TENM4: variants seen among roughly 807,000 people sequenced by gnomAD.
TENM4 encodes the protein teneurin transmembrane protein 4.
Under a neutral mutation model 243.3 loss-of-function variants are expected in TENM4, and 82 were observed. The ratio of observed to expected loss-of-function variants is 0.34; its 90% CI spans 0.28 to 0.40. The LOEUF is 0.40. TENM4 is among the 10% of genes least tolerant of loss of function. The pLI is 1.00. For missense variants in TENM4, 3,138 were observed against 3,673.3 expected (o/e 0.85, Z 3.77); for synonymous variants, 1,412 against 1,456.3 (o/e 0.97, Z 0.69).
chr11:79,047,272 C>T (rs986175948), intron 6 of TENM4, among the ~76,000 whole-genome samples: 4 of 152,174 alleles, frequency 2.6e-5, no homozygotes, highest in African/African-American at 4.8e-5. Flanking sequence ...ACAGGGATGA[C>T]GAGGTCACCC....
At chr11:78,986,357 T>TC (rs1325604451) in intron 6 of TENM4, among the ~76,000 whole-genome samples, 2 of 152,214 alleles carry the variant, frequency 1.3e-5, no homozygotes, top group Non-Finnish European at 2.9e-5. Context: ...TAAAATCTTT[T>TC]CCCCTTCTGT....
intron 19 of TENM4, among the ~76,000 whole-genome samples, chr11:78,754,627 C>T (rs187903540): frequency 6.6e-6 from 1 of 152,170 alleles, no homozygotes; most frequent in African/African-American, 2.4e-5. Flanking sequence ...AAAAAACTCA[C>T]ACTGTGGGAA....
intron 4 of TENM4, among the ~76,000 whole-genome samples, chr11:79,073,299 C>A (rs1489596041): frequency 6.6e-6 from 1 of 152,222 alleles, no homozygotes; most frequent in Non-Finnish European, 1.5e-5. Context: ...TGCTGAGCCA[C>A]TCACACTTTC....
chr11:78,780,090 A>G (rs2136017849), intron 16 of TENM4, among the ~76,000 whole-genome samples: 1 of 152,302 alleles, frequency 6.6e-6, no homozygotes, highest in Admixed American at 6.5e-5. Flanking sequence ...GATGTCGTGG[A>G]GTCCATGAGA....
At chr11:78,826,967 G>A (rs1468790170) in intron 12 of TENM4, among the ~76,000 whole-genome samples, 1 of 152,108 alleles carries the variant, frequency 6.6e-6, no homozygotes, top group Non-Finnish European at 1.5e-5. Flanking sequence ...ATACCACCCA[G>A]GCCTGGAGCA....
chr11:79,282,851 T>C (rs1856181074), intron 2 of TENM4, among the ~76,000 whole-genome samples: 1 of 151,960 alleles, frequency 6.6e-6, no homozygotes, highest in Non-Finnish European at 1.5e-5. Context: ...GCAGGAATTA[T>C]AGCATTCTGT....
chr11:78,971,099 C>A (rs1007669020), intron 6 of TENM4, among the ~76,000 whole-genome samples: 2 of 152,098 alleles, frequency 1.3e-5, no homozygotes, highest in Non-Finnish European at 2.9e-5. Context: ...TCACAGGGTA[C>A]TGTGGCCTTG....
chr11:78,892,831 A>G (rs1855699865), intron 7 of TENM4, among the ~76,000 whole-genome samples: 1 of 152,234 alleles, frequency 6.6e-6, no homozygotes. Flanking sequence ...ATCATAAACA[A>G]GTGGAGAGCC....
intron 2 of TENM4, among the ~76,000 whole-genome samples, chr11:79,220,429 T>C (rs758573487): frequency 6.6e-5 from 10 of 152,198 alleles, no homozygotes; most frequent in Admixed American, 3.9e-4. Context: ...CTGTGCAGCG[T>C]TGGCCAAACC....
chr11:78,825,401 T>A (rs78439716), intron 12 of TENM4, among the ~76,000 whole-genome samples: 2 of 152,206 alleles, frequency 1.3e-5, no homozygotes, highest in Admixed American at 6.5e-5. Flanking sequence ...AACTTTATCC[T>A]TGTCAGCCAT....
chr11:79,370,213 C>A (rs541048902), intron 1 of TENM4, among the ~76,000 whole-genome samples: 3 of 152,348 alleles, frequency 2.0e-5, no homozygotes, highest in African/African-American at 7.2e-5. Flanking sequence ...GAGGCCAACC[C>A]TTCACATGGG....
chr11:79,047,089 C>T (rs528817781), intron 6 of TENM4, among the ~76,000 whole-genome samples: 3 of 152,334 alleles, frequency 2.0e-5, no homozygotes, highest in Admixed American at 6.5e-5. Flanking sequence ...AAAGGTTTCA[C>T]GGCATTACCT....
chr11:78,935,043 C>T (rs1439137914), intron 6 of TENM4, among the ~76,000 whole-genome samples: 3 of 112,782 alleles, frequency 2.7e-5, no homozygotes, highest in South Asian at 3.1e-4. Flanking sequence ...CTCGCTCTGT[C>T]GCCCAGGCCG....
At chr11:78,825,555 A>C (rs1252025555) in intron 12 of TENM4, among the ~76,000 whole-genome samples, 1 of 152,202 alleles carries the variant, frequency 6.6e-6, no homozygotes, top group African/African-American at 2.4e-5. Context: ...GACAGACTTT[A>C]CACACAAGTC....
intron 3 of TENM4, among the ~76,000 whole-genome samples, chr11:79,212,260 G>A (rs928942540): frequency 1.3e-5 from 2 of 152,130 alleles, no homozygotes; most frequent in South Asian, 2.1e-4. Context: ...TCTGAGGCAC[G>A]GGCCATCATG....
At chr11:78,828,849 C>T (rs1857915124) in intron 12 of TENM4, among the ~76,000 whole-genome samples, 1 of 152,248 alleles carries the variant, frequency 6.6e-6, no homozygotes, top group African/African-American at 2.4e-5. Context: ...CTGACTTTGG[C>T]AGCAGCAGGA....
chr11:78,899,967 A>T (rs867681528), intron 7 of TENM4, among the ~76,000 whole-genome samples: 1 of 152,226 alleles, frequency 6.6e-6, no homozygotes, highest in Non-Finnish European at 1.5e-5. Context: ...GGACTGAGAC[A>T]GAAGGGTACT....
intron 21 of TENM4, among the ~76,000 whole-genome samples, chr11:78,729,913 C>T (rs1214432495): frequency 6.6e-6 from 1 of 152,076 alleles, no homozygotes; most frequent in Non-Finnish European, 1.5e-5. Flanking sequence ...GTATCTGGGG[C>T]CAGTTTTCAT....
At chr11:78,687,814 A>G (rs571091197) in intron 29 of TENM4, among the ~76,000 whole-genome samples, 13 of 152,276 alleles carry the variant, frequency 8.5e-5, no homozygotes, top group African/African-American at 2.9e-4. Context: ...CAGCTAATGA[A>G]TTCCCTACCC....
Sources: gnomAD v4.1 joint callset for allele counts (sites outside exome capture counted in the v4.1 genomes callset) on GRCh38, gnomAD v4.1.1 for gene constraint, MANE v1.5 for transcripts, NCBI Gene and HGNC (gene_info 2026-07-23, HGNC 2026-07-21) for gene names.